The following FRMD3 variants were observed in gnomAD, a reference collection of about 807,000 sequenced individuals.
FRMD3 encodes the protein FERM domain-containing protein 3.
Under a neutral mutation model 70.2 loss-of-function variants are expected in FRMD3, and 33 were observed. That is an observed-to-expected ratio of 0.47 (90% CI 0.36 to 0.63). The LOEUF is 0.63. Ranked by LOEUF, FRMD3 falls within the 20% of genes least tolerant of loss-of-function variation. The pLI, the probability that FRMD3 is intolerant of heterozygous loss-of-function variation, is 0.00. For missense variants in FRMD3, 632 were observed against 711.4 expected, an observed-to-expected ratio of 0.89 and a Z score of 1.27; for synonymous variants, 279 against 255.9, an observed-to-expected ratio of 1.09 and a Z score of -0.86.
chr9:83,368,405 C>T (rs886581245), intron 3 of FRMD3, among the ~76,000 whole-genome samples: 1 of 152,122 alleles, frequency 6.6e-6, no homozygotes, highest in African/African-American at 2.4e-5. Flanking sequence ...GATCTCGGCT[C>T]ACTGCAAGCT....
intron 13 of FRMD3, among the ~76,000 whole-genome samples, chr9:83,284,145 AT>A (rs2118930838): frequency 6.8e-6 from 1 of 147,292 alleles, no homozygotes; most frequent in East Asian, 2.0e-4. Flanking sequence ...TAGCTTTATA[AT>A]GAAAAATAAG....
At chr9:83,298,366 C>T (rs1008556915) in intron 12 of FRMD3, among the ~76,000 whole-genome samples, 4 of 152,184 alleles carry the variant, frequency 2.6e-5, no homozygotes, top group African/African-American at 7.2e-5. Flanking sequence ...GAAAGGTCAG[C>T]CCGGAGTCAG....
intron 1 of FRMD3, among the ~76,000 whole-genome samples, chr9:83,443,257 A>T (rs1001238137): frequency 6.6e-6 from 1 of 152,172 alleles, no homozygotes; most frequent in Non-Finnish European, 1.5e-5. Context: ...TGTCATTTAC[A>T]TTAGGTATTT....
chr9:83,511,028 T>C (rs1564110800), intron 1 of FRMD3, among the ~76,000 whole-genome samples: 1 of 152,132 alleles, frequency 6.6e-6, no homozygotes, highest in Non-Finnish European at 1.5e-5. Flanking sequence ...TAGATCCCAA[T>C]AAAGCTGTTC....
rs543666768 is a variant in FRMD3 at position 83,365,924 on chromosome 9, G to C, written c.295+6989C>G. Among the ~76,000 whole-genome samples, 215 of 152,210 alleles carry C rather than the reference G, an allele frequency of 1.4e-3. 2 individuals are homozygous for C. Among genetic ancestry groups the C allele is most frequent in the African/African-American group, 4.9e-3 (203 of 41,552 alleles). ...AGGCCACAAGAGGACAGTGTCTAGA[G>C]ACTTGCATCCTAAGGCCATGGCAGG... On this transcript the variant is annotated intron_variant, in intron 3 of 13. Coordinates refer to ENST00000304195, the MANE Select transcript of FRMD3 (RefSeq NM_174938.6).
At position 83,487,827 on chromosome 9, in the gene FRMD3, T is replaced by C. The variant is rs1302536370; in HGVS notation, c.147+50258A>G. ...CTTTAGAAGATGAATAGGCTTGGGA[T>C]TTTGGTACGAGGGGTAGACTCAAGG... is the stretch of plus-strand genomic sequence containing the variant. On this transcript the variant is annotated intron_variant, in intron 1 of 13. Coordinates refer to ENST00000304195, the MANE Select transcript of FRMD3 (RefSeq NM_174938.6). Among the ~76,000 whole-genome samples the C allele has an allele frequency of 2.0e-5, 3 of 152,172 alleles. No individual in the cohort carries two copies. In the East Asian group the frequency reaches 5.8e-4, roughly 29 times the overall value.
At chr9:83,445,441 G>T (rs542363584) in intron 1 of FRMD3, among the ~76,000 whole-genome samples, 69 of 152,132 alleles carry the variant, frequency 4.5e-4, no homozygotes, top group Non-Finnish European at 9.0e-4. Flanking sequence ...CCATCCAGAA[G>T]ATATGCTCCA....
At chr9:83,322,094 A>C (rs1835824339) in intron 6 of FRMD3, among the ~76,000 whole-genome samples, 1 of 152,076 alleles carries the variant, frequency 6.6e-6, no homozygotes, top group African/African-American at 2.4e-5. Context: ...CCTAAGACTT[A>C]TGACCAGGGA....
In FRMD3 at chr9:83,372,933, G is replaced by C; in HGVS notation, c.275C>G (p.Ser92Cys). ...KQRHWLEPNKSIFKQMKTHPP... is the reference protein window; with the variant it reads ...KQRHWLEPNKCIFKQMKTHPP... ...CTTACTTTTCATTTGCTTGAAGATGGACTTGTTAGGTTCAAGCCAGTGCTA... is the reference window on the plus strand; with the variant it reads ...CTTACTTTTCATTTGCTTGAAGATGCACTTGTTAGGTTCAAGCCAGTGCTA... Residue 92 changes from serine to cysteine, a missense_variant, in exon 3 of 14, where the codon TCC (serine) becomes TGC (cysteine). By Grantham distance (112) the Ser-to-Cys change is moderately radical. Transcript: ENST00000304195. 1 of 1,611,900 alleles carries C rather than the reference G, an allele frequency of 6.2e-7. No individual in the cohort carries two copies. Among genetic ancestry groups the C allele is most frequent in the Non-Finnish European group, 8.5e-7 (1 of 1,179,458 alleles).
chr9:83,404,177 C>T (rs1012746784), intron 1 of FRMD3, among the ~76,000 whole-genome samples: 1 of 152,132 alleles, frequency 6.6e-6, no homozygotes, highest in Non-Finnish European at 1.5e-5. Flanking sequence ...TCACACCTAC[C>T]CCTTTCTTCA....
At chr9:83,525,397 T>C (rs1470893976) in intron 1 of FRMD3, among the ~76,000 whole-genome samples, 1 of 152,218 alleles carries the variant, frequency 6.6e-6, no homozygotes, top group Non-Finnish European at 1.5e-5. Flanking sequence ...TTGTAGAACT[T>C]GAATTATTTT....
At chr9:83,410,125 TTC>T (rs1462105289) in intron 1 of FRMD3, among the ~76,000 whole-genome samples, 2 of 152,208 alleles carry the variant, frequency 1.3e-5, no homozygotes, top group African/African-American at 4.8e-5. Context: ...AAACCCTAAA[TTC>T]TCTCTTTTTA....
At chr9:83,511,609 T>A (rs1172627819) in intron 1 of FRMD3, among the ~76,000 whole-genome samples, 1 of 152,128 alleles carries the variant, frequency 6.6e-6, no homozygotes, top group Non-Finnish European at 1.5e-5. Context: ...GGCTTCAGAG[T>A]TGTTTTTTCT....
chr9:83,510,891 C>T, intron 1 of FRMD3, among the ~76,000 whole-genome samples: 1 of 152,126 alleles, frequency 6.6e-6, no homozygotes, highest in East Asian at 1.9e-4. Flanking sequence ...CAATTAAGAT[C>T]CATATGGGTT....
chr9:83,514,462 G>A (rs1157006662), intron 1 of FRMD3, among the ~76,000 whole-genome samples: 1 of 152,196 alleles, frequency 6.6e-6, no homozygotes, highest in Non-Finnish European at 1.5e-5. Context: ...AGCAGCTCCA[G>A]TCAGGGATTT....
intron 1 of FRMD3, among the ~76,000 whole-genome samples, chr9:83,414,289 T>C (rs1368970081): frequency 6.6e-6 from 1 of 152,212 alleles, no homozygotes. Flanking sequence ...GTAAATTTAA[T>C]GGTATGTAAA....
chr9:83,482,727 G>C (rs1340787513), intron 1 of FRMD3, among the ~76,000 whole-genome samples: 1 of 152,178 alleles, frequency 6.6e-6, no homozygotes, highest in Non-Finnish European at 1.5e-5. Context: ...CCAAGGGAGA[G>C]ATGATGGCAA....
At chr9:83,314,617 A>C (rs530714590) in intron 6 of FRMD3, among the ~76,000 whole-genome samples, 1 of 152,088 alleles carries the variant, frequency 6.6e-6, no homozygotes, top group Admixed American at 6.5e-5. Context: ...CCTCTAAATC[A>C]AAACAGTATC....
intron 13 of FRMD3, among the ~76,000 whole-genome samples, chr9:83,277,368 T>C (rs535251855): frequency 1.3e-5 from 2 of 152,314 alleles, no homozygotes; most frequent in South Asian, 4.1e-4. Flanking sequence ...ACAATGACTA[T>C]GGTATTTTTT....
Sources: allele counts gnomAD v4.1 joint callset (sites outside exome capture counted in the v4.1 genomes callset), GRCh38; gene constraint gnomAD v4.1.1; transcripts MANE v1.5; gene names NCBI Gene and HGNC (gene_info 2026-07-23, HGNC 2026-07-21).